Variants in BCR observed in about 807,000 individuals in gnomAD.
BCR encodes the protein BCR activator of RhoGEF and GTPase.
A neutral mutation model predicts 138.6 loss-of-function variants in BCR; 58 were observed. The ratio of observed to expected loss-of-function variants is 0.42; its 90% CI spans 0.34 to 0.52. BCR has a LOEUF of 0.52. Among genes scored for constraint, BCR ranks in the 20% least tolerant of loss-of-function variants. The pLI is 0.06. For missense variants in BCR, 1,599 were observed against 1,727.2 expected (o/e 0.93, Z 1.32); for synonymous variants, 786 against 730.1 (o/e 1.08, Z -1.23).
intron 1 of BCR, among the ~76,000 whole-genome samples, chr22:23,247,493 G>C (rs192984132): frequency 5.5e-4 from 84 of 152,222 alleles, no homozygotes; most frequent in Non-Finnish European, 2.2e-4. Flanking sequence ...CATTGTTCTG[G>C]GTAGGGAGGG....
intron 1 of BCR, among the ~76,000 whole-genome samples, chr22:23,194,419 T>C (rs1440797661): frequency 6.6e-6 from 1 of 151,032 alleles, no homozygotes; most frequent in Non-Finnish European, 1.5e-5. Flanking sequence ...TTTTTCTTTC[T>C]TTTTTCTTTG....
At chr22:23,211,330 TGGGAC>T (rs2072679600) in intron 1 of BCR, among the ~76,000 whole-genome samples, 9 of 151,750 alleles carry the variant, frequency 5.9e-5, no homozygotes, top group Admixed American at 5.3e-4. Context: ...CCCAAGTAGC[TGGGAC>T]TACAGGCGCC....
intron 16 of BCR, among the ~76,000 whole-genome samples, chr22:23,295,728 T>G (rs1291125948): frequency 6.6e-6 from 1 of 151,958 alleles, no homozygotes; most frequent in Non-Finnish European, 1.5e-5. Context: ...GGGGCCCTGG[T>G]TCTTAAGGAG....
chr22:23,268,608 C>G (rs2146284583), intron 5 of BCR, 93 bp downstream of exon 5: 1 of 1,109,984 alleles, frequency 9.0e-7, no homozygotes, highest in Non-Finnish European at 1.3e-6. Context: ...AGATCAAGAT[C>G]TGGTCGTGAA....
chr22:23,297,207 G>GTTTTTTTTTTTTTTTTT (rs1307353327), intron 16 of BCR, among the ~76,000 whole-genome samples: 8 of 97,398 alleles, frequency 8.2e-5, no homozygotes, highest in Admixed American at 2.2e-4. Flanking sequence ...TGGCTAAGTT[G>GTTTTTTTTTTTTTTTTT]TTTTTTGTTT....
intron 4 of BCR, chr22:23,263,414 G>A: frequency 7.8e-7 from 1 of 1,282,186 alleles, no homozygotes; most frequent in East Asian, 2.3e-5. Context: ...CAGTGAAGGT[G>A]TCTCAGAACT....
chr22:23,270,182 G>A (rs532585249), intron 5 of BCR, among the ~76,000 whole-genome samples: 2 of 152,252 alleles, frequency 1.3e-5, no homozygotes, highest in Admixed American at 6.5e-5. Flanking sequence ...GTGGGAGTTC[G>A]AAGATCACCC....
At chr22:23,186,584 C>G (rs2267008) in intron 1 of BCR, among the ~76,000 whole-genome samples, 35,093 of 152,178 alleles carry the variant, frequency 0.23, 4,535 homozygotes, top group East Asian at 0.35. Flanking sequence ...CTGCCATTCT[C>G]CATCTGTGTC....
chr22:23,192,982 A>G (rs565281433), intron 1 of BCR, among the ~76,000 whole-genome samples: 4 of 152,278 alleles, frequency 2.6e-5, no homozygotes, highest in African/African-American at 9.6e-5. Context: ...CCAGAAGAAG[A>G]GAGGGGAGCC....
intron 1 of BCR, among the ~76,000 whole-genome samples, chr22:23,252,729 C>T (rs561231701): frequency 6.6e-6 from 1 of 152,292 alleles, no homozygotes; most frequent in Admixed American, 6.5e-5. Flanking sequence ...CTGTGCCCAG[C>T]CAGGGTCCCC....
intron 2 of BCR, among the ~76,000 whole-genome samples, chr22:23,255,895 C>T (rs1435640225): frequency 1.3e-5 from 2 of 152,220 alleles, no homozygotes; most frequent in East Asian, 3.9e-4. Flanking sequence ...CCAAGCACGC[C>T]CCTTGGCCCA....
In BCR at chr22:23,315,879, G is replaced by C. The variant is rs2074066981; in HGVS notation, c.*357G>C. The C allele has an allele frequency of 2.3e-6, 1 of 429,090 alleles. No individual in the cohort carries two copies. The highest frequency in any genetic ancestry group is 4.4e-6 in the Non-Finnish European group (1 of 225,594). The allele number at this position is 429,090 out of a possible 1,614,324, so 26.6% of individuals were successfully genotyped here. On this transcript the variant is annotated 3_prime_UTR_variant, in exon 23 of 23. Transcript: ENST00000305877. Reference sequence around the variant, plus strand: ...TCTACTGGATCACTTGTCAAGATGCGCCCTCTCTGGGGAGAAGGGAACGTG... The same window carrying C: ...TCTACTGGATCACTTGTCAAGATGCCCCCTCTCTGGGGAGAAGGGAACGTG...
intron 1 of BCR, among the ~76,000 whole-genome samples, chr22:23,201,069 A>T (rs897867760): frequency 2.6e-5 from 4 of 152,246 alleles, no homozygotes; most frequent in Admixed American, 1.3e-4. Context: ...GTTACAGGAA[A>T]TGGAACATTT....
chr22:23,201,646 G>A (rs4820546), intron 1 of BCR, among the ~76,000 whole-genome samples: 71,452 of 151,736 alleles, frequency 0.47, 19,388 homozygotes, highest in East Asian at 0.91. Context: ...TTTAGTAGAG[G>A]TGGTTTCACC....
intron 1 of BCR, among the ~76,000 whole-genome samples, chr22:23,246,774 T>C (rs1292754730): frequency 2.6e-5 from 4 of 152,198 alleles, no homozygotes; most frequent in African/African-American, 9.7e-5. Flanking sequence ...GGGTTTTTTT[T>C]GCCCACTACT....
rs1321302822 is a variant in BCR at position 23,272,998 on chromosome 22, A to G, written c.1922-83A>G. The G allele has an allele frequency of 4.0e-6, 6 of 1,482,044 alleles. No individual in the cohort carries two copies. In the Admixed American group the frequency reaches 6.8e-5, roughly 17 times the overall value. 91.8% of individuals were successfully genotyped at this position (1,482,044 alleles called of 1,614,324 possible). A position where few individuals can be genotyped will look rare whatever the true frequency, so the allele number is the denominator to read the frequency against. On this transcript the variant is annotated intron_variant, in intron 6 of 22. Transcript: ENST00000305877. ...TGGAGGCTGGGGCAGCCCCCTCCCCACTCACCCTTGCACCGAGGGTGGTCA... is the reference window on the plus strand; with the variant it reads ...TGGAGGCTGGGGCAGCCCCCTCCCCGCTCACCCTTGCACCGAGGGTGGTCA...
chr22:23,313,610 A>G (rs1294707646), intron 20 of BCR, among the ~76,000 whole-genome samples: 1 of 150,670 alleles, frequency 6.6e-6, no homozygotes, highest in Admixed American at 6.6e-5. Context: ...TGTGTTCCTC[A>G]CTCCCCTGTT....
chr22:23,289,661 AG>A (rs1264960718), intron 13 of BCR, 40 bp downstream of exon 13: 2 of 1,548,316 alleles, frequency 1.3e-6, no homozygotes, highest in Non-Finnish European at 1.8e-6. Flanking sequence ...ACCTGCAGGG[AG>A]GGCAGGCAGC....
intron 1 of BCR, among the ~76,000 whole-genome samples, chr22:23,203,848 A>G (rs1400229411): frequency 6.6e-6 from 1 of 152,230 alleles, no homozygotes; most frequent in Admixed American, 6.5e-5. Flanking sequence ...ATTCTGGCTC[A>G]TGGAGTTCCT....
Sources: gnomAD v4.1 joint callset for allele counts (sites outside exome capture counted in the v4.1 genomes callset) on GRCh38, gnomAD v4.1.1 for gene constraint, MANE v1.5 for transcripts, NCBI Gene and HGNC (gene_info 2026-07-23, HGNC 2026-07-21) for gene names.